The following CDH12 variants were observed in gnomAD, a reference collection of about 807,000 sequenced individuals.
CDH12 encodes the protein cadherin-12.
In CDH12, 41 loss-of-function variants were observed where a neutral mutation model predicts 74.1. That is an observed-to-expected ratio of 0.55 (90% CI 0.43 to 0.72). CDH12 has a LOEUF of 0.72. Ranked by LOEUF, CDH12 falls within the 30% of genes least tolerant of loss-of-function variation. CDH12 has a pLI of 0.00. For missense variants in CDH12, 945 were observed against 977.2 expected (o/e 0.97, Z 0.44); for synonymous variants, 399 against 355.0 (o/e 1.12, Z -1.39).
intron 1 of CDH12, among the ~76,000 whole-genome samples, chr5:22,611,605 A>G (rs769214579): frequency 7.9e-5 from 12 of 152,138 alleles, no homozygotes; most frequent in Admixed American, 6.6e-5. Flanking sequence ...GAGAGCAGTA[A>G]CCAGAAACCA....
intron 1 of CDH12, among the ~76,000 whole-genome samples, chr5:22,850,544 A>G (rs1381874271): frequency 6.6e-6 from 1 of 152,150 alleles, no homozygotes; most frequent in Admixed American, 6.5e-5. Context: ...AATATTTTCC[A>G]CCTATAATTT....
chr5:21,911,635 G>A (rs1300806473), intron 6 of CDH12, among the ~76,000 whole-genome samples: 1 of 151,952 alleles, frequency 6.6e-6, no homozygotes, highest in Non-Finnish European at 1.5e-5. Flanking sequence ...ATGAACTAAG[G>A]ATGCACGACA....
intron 1 of CDH12, among the ~76,000 whole-genome samples, chr5:22,697,216 T>G (rs1277738217): frequency 1.3e-5 from 2 of 151,846 alleles, no homozygotes; most frequent in Non-Finnish European, 2.9e-5. Flanking sequence ...GGTGACAGAG[T>G]AAAGGGATTT....
At chr5:21,793,065 C>T (rs72739947) in intron 10 of CDH12, among the ~76,000 whole-genome samples, 4 of 151,792 alleles carry the variant, frequency 2.6e-5, no homozygotes, top group African/African-American at 4.8e-5. Context: ...GTTGTCAGAT[C>T]ATTTCAATTT....
chr5:21,971,764 A>G (rs1478371037), intron 6 of CDH12, among the ~76,000 whole-genome samples: 1 of 152,082 alleles, frequency 6.6e-6, no homozygotes, highest in Non-Finnish European at 1.5e-5. Context: ...TAAAGTCCAA[A>G]CTTGTCTCCA....
rs183380695 is a variant in CDH12 at position 22,652,745 on chromosome 5, A to G, written c.-522-147381T>C. Among the ~76,000 whole-genome samples, 298 of 152,306 alleles carry G rather than the reference A, an allele frequency of 2.0e-3. 1 individual carries two copies. The highest frequency in any genetic ancestry group is 4.7e-3 in the Admixed American group (72 of 15,282). On this transcript the variant is annotated intron_variant, in intron 1 of 14. Transcript: ENST00000382254. ...ATGTACAAGAAATTCTCACAAGTGT[A>G]TGTGTTTGCAAGAAATAATTAGATA...
chr5:22,830,819 C>G (rs1736570396), intron 1 of CDH12, among the ~76,000 whole-genome samples: 1 of 151,434 alleles, frequency 6.6e-6, no homozygotes, highest in Non-Finnish European at 1.5e-5. Context: ...ATTCACTTCT[C>G]TATTAAATGT....
intron 1 of CDH12, among the ~76,000 whole-genome samples, chr5:22,577,679 A>G (rs1739861425): frequency 6.6e-6 from 1 of 152,228 alleles, no homozygotes; most frequent in Non-Finnish European, 1.5e-5. Flanking sequence ...ACATCATGAG[A>G]TAATTTAGGT....
At chr5:22,837,693 G>C (rs200552368) in intron 1 of CDH12, among the ~76,000 whole-genome samples, 1 of 152,050 alleles carries the variant, frequency 6.6e-6, no homozygotes. Context: ...ATTATGGCTT[G>C]AGTTATACTA....
At chr5:21,780,118 T>C (rs899538891) in intron 11 of CDH12, among the ~76,000 whole-genome samples, 2 of 152,212 alleles carry the variant, frequency 1.3e-5, no homozygotes, top group African/African-American at 2.4e-5. Context: ...AAGTCCCAGT[T>C]CTGCCTATGA....
chr5:22,827,324 AGTACACCTGGC>A (rs1736390200), intron 1 of CDH12, among the ~76,000 whole-genome samples: 2 of 152,374 alleles, frequency 1.3e-5, no homozygotes, highest in East Asian at 3.9e-4. Flanking sequence ...CAGGCATAAT[AGTACACCTGGC>A]ATTAATCTTT....
rs888160086 is a variant in CDH12, at chr5:22,759,174, C to T, written c.-523+93884G>A. On this transcript the variant is annotated intron_variant, in intron 1 of 14. Coordinates refer to ENST00000382254, the MANE Select transcript of CDH12 (RefSeq NM_004061.5). The stretch of plus-strand genomic sequence containing the variant: ...ACTTGTGATTCAGGATATATTTCAC[C>T]ATCTAGACTGCTACGCAGTCTCAGA... Among the ~76,000 whole-genome samples the T allele has an allele frequency of 2.0e-5, 3 of 151,538 alleles. No homozygotes were observed. The East Asian group carries it at 5.8e-4, about 29-fold the overall frequency.
chr5:22,777,518 T>A (rs564488898), intron 1 of CDH12, among the ~76,000 whole-genome samples: 219 of 152,146 alleles, frequency 1.4e-3, no homozygotes, highest in Non-Finnish European at 2.3e-3. Context: ...AAACATGACT[T>A]TATTAAAATT....
At chr5:22,106,181 T>C (rs62349105) in intron 4 of CDH12, among the ~76,000 whole-genome samples, 1,900 of 152,272 alleles carry the variant, frequency 0.012, 12 homozygotes, top group Non-Finnish European at 0.021. Context: ...TATTGGGTAC[T>C]GGGTTTAATT....
At position 22,179,761 on chromosome 5, in the gene CDH12, A is replaced by C. The variant is rs1277925319; in HGVS notation, c.-187+32737T>G. Reference sequence around the variant, plus strand: ...AAATAAACTCACACTTAAGTAACTAAACAAATTGGCCTTCCATCTATTAAT... The same window carrying C: ...AAATAAACTCACACTTAAGTAACTACACAAATTGGCCTTCCATCTATTAAT... On this transcript the variant is annotated intron_variant, in intron 4 of 14. Coordinates refer to ENST00000382254, the MANE Select transcript of CDH12 (RefSeq NM_004061.5). 2.0e-5 allele frequency among the ~76,000 whole-genome samples: 3 copies of C among 152,196 alleles called. No homozygotes were observed. In the East Asian group the frequency reaches 5.8e-4, roughly 29 times the overall value.
chr5:22,297,014 CGTT>C (rs1313354032), intron 3 of CDH12, among the ~76,000 whole-genome samples: 110 of 150,686 alleles, frequency 7.3e-4, no homozygotes, highest in Non-Finnish European at 1.3e-3. Flanking sequence ...TTGTTGTTAT[CGTT>C]GTTGTTGTTG....
At chr5:21,857,705 A>G (rs776629040) in intron 6 of CDH12, among the ~76,000 whole-genome samples, 1 of 151,912 alleles carries the variant, frequency 6.6e-6, no homozygotes, top group Non-Finnish European at 1.5e-5. Flanking sequence ...ATAAGTGATC[A>G]CTAACATTTA....
intron 5 of CDH12, among the ~76,000 whole-genome samples, chr5:22,046,108 T>C (rs1306351655): frequency 6.6e-6 from 1 of 152,198 alleles, no homozygotes; most frequent in African/African-American, 2.4e-5. Flanking sequence ...AGAAGCAATG[T>C]TGAGAAAACT....
intron 1 of CDH12, among the ~76,000 whole-genome samples, chr5:22,641,302 T>G (rs1231109154): frequency 1.3e-5 from 2 of 152,110 alleles, no homozygotes. Flanking sequence ...GGGGTACTAG[T>G]GCAAACCCTA....
Sources: gnomAD v4.1 joint callset for allele counts (sites outside exome capture counted in the v4.1 genomes callset) on GRCh38, gnomAD v4.1.1 for gene constraint, MANE v1.5 for transcripts, NCBI Gene and HGNC (gene_info 2026-07-23, HGNC 2026-07-21) for gene names.